The following NEDD9 variants were observed in gnomAD, a reference collection of about 807,000 sequenced individuals.
The protein encoded by NEDD9 is enhancer of filamentation 1.
In NEDD9, 26 loss-of-function variants were observed where a neutral mutation model predicts 76.6. The ratio of observed to expected loss-of-function variants is 0.34; its 90% CI spans 0.25 to 0.47. The LOEUF (loss-of-function observed/expected upper bound fraction) is 0.47. NEDD9 is among the 20% of genes least tolerant of loss of function. The pLI is 1.00. For synonymous variants in NEDD9, 392 were observed against 414.2 expected, an observed-to-expected ratio of 0.95 and a Z score of 0.65; for missense variants, 937 against 1,058.5, an observed-to-expected ratio of 0.89 and a Z score of 1.59.
chr6:11,185,741 T>G, intron 6 of NEDD9, 70 bp from the exon 7 acceptor site: 11 of 1,557,568 alleles, frequency 7.1e-6, no homozygotes, highest in Non-Finnish European at 9.6e-6. Flanking sequence ...CACTAGGCCT[T>G]GGAGTTAAAA....
chr6:11,248,005 T>C (rs1379757622), intron 3 of NEDD9, among the ~76,000 whole-genome samples: 1 of 152,144 alleles, frequency 6.6e-6, no homozygotes, highest in African/African-American at 2.4e-5. Flanking sequence ...CCAGGTATAT[T>C]ATCTTCATTT....
At chr6:11,301,483 C>A (rs897002501) in intron 3 of NEDD9, among the ~76,000 whole-genome samples, 5 of 152,160 alleles carry the variant, frequency 3.3e-5, no homozygotes, top group African/African-American at 1.2e-4. Context: ...ACAAGGATAT[C>A]GAGGGCTTGA....
chr6:11,244,067 T>C (rs962256619), intron 3 of NEDD9, among the ~76,000 whole-genome samples: 1 of 152,180 alleles, frequency 6.6e-6, no homozygotes, highest in Admixed American at 6.5e-5. Flanking sequence ...GGGCCTCATC[T>C]AATCAGATGA....
Position 11,370,515 on chromosome 6 carries a change from A to G in NEDD9, c.-214+11624T>C, listed in dbSNP as rs544359547. On this transcript the variant is annotated intron_variant, in intron 1 of 3. Transcript: ENST00000397378. This position sits in a 1 kb window ranked among gnomAD's most constrained non-coding sequence, Gnocchi z 4.2. ...GTTCCCTCACCGACCCACTAGGTGC[A>G]CAAGGCTCTCCTCAAGCCGCCTTTT... Among the ~76,000 whole-genome samples the G allele has an allele frequency of 6.6e-6, 1 of 152,270 alleles. No homozygotes were observed. Among genetic ancestry groups the G allele is most frequent in the African/African-American group, 2.4e-5 (1 of 41,560 alleles).
At chr6:11,355,784 G>C (rs1000916496) in intron 1 of NEDD9, among the ~76,000 whole-genome samples, 1 of 151,984 alleles carries the variant, frequency 6.6e-6, no homozygotes, top group Non-Finnish European at 1.5e-5. Context: ...GCAGTGGCGC[G>C]ATCTCCGCTC....
chr6:11,324,823 T>C (rs910515409), intron 2 of NEDD9, among the ~76,000 whole-genome samples: 11 of 152,220 alleles, frequency 7.2e-5, no homozygotes, highest in East Asian at 5.8e-4. Context: ...GGCCACACTT[T>C]CCATTTGAAA....
intron 5 of NEDD9, among the ~76,000 whole-genome samples, chr6:11,188,732 C>G (rs1758044409): frequency 6.6e-6 from 1 of 152,174 alleles, no homozygotes; most frequent in Non-Finnish European, 1.5e-5. Context: ...GTCAGACAAC[C>G]AGTAAGATGA....
chr6:11,274,341 G>A (rs1372093737), intron 3 of NEDD9, among the ~76,000 whole-genome samples: 1 of 152,178 alleles, frequency 6.6e-6, no homozygotes, highest in African/African-American at 2.4e-5. Context: ...GGACCTGGAA[G>A]GGGTACCCAG....
At chr6:11,379,312 G>A (rs1197140035) in intron 1 of NEDD9, among the ~76,000 whole-genome samples, 2 of 152,202 alleles carry the variant, frequency 1.3e-5, no homozygotes, top group African/African-American at 4.8e-5. Context: ...TTTGGGCCGG[G>A]CGCAGTGGCT....
intron 5 of NEDD9, among the ~76,000 whole-genome samples, chr6:11,189,504 A>G (rs1758073648): frequency 6.6e-6 from 1 of 152,200 alleles, no homozygotes; most frequent in South Asian, 2.1e-4. Flanking sequence ...TCTGGTGCAA[A>G]GGTCTTCTAT....
chr6:11,265,145 A>G (rs1231356518), intron 3 of NEDD9, among the ~76,000 whole-genome samples: 1 of 152,266 alleles, frequency 6.6e-6, no homozygotes, highest in African/African-American at 2.4e-5. Flanking sequence ...TAAATCAAAT[A>G]CTTCAAGTTT....
At position 11,381,940 on chromosome 6, in the gene NEDD9, A is replaced by G. The variant is rs1466151169; in HGVS notation, c.-214+199T>C. On this transcript the variant is annotated intron_variant, in intron 1 of 3. Coordinates refer to the NEDD9 transcript ENST00000397378. Reference sequence around the variant, plus strand: ...ATCATGCTGGTTTGAATGTTGCACTAAAACCAGCACCTCCAGGTCAACTTG... The same window carrying G: ...ATCATGCTGGTTTGAATGTTGCACTGAAACCAGCACCTCCAGGTCAACTTG... Among the ~76,000 whole-genome samples the G allele has an allele frequency of 2.6e-5, 4 of 152,228 alleles. No homozygotes were observed. In the South Asian group the frequency reaches 6.2e-4, roughly 24 times the overall value.
At chr6:11,291,876 G>A (rs1334588729) in intron 3 of NEDD9, among the ~76,000 whole-genome samples, 2 of 152,198 alleles carry the variant, frequency 1.3e-5, no homozygotes, top group African/African-American at 4.8e-5. Flanking sequence ...TAGCAACATA[G>A]ATCTCCAACT....
chr6:11,304,997 A>G (rs4713379), intron 3 of NEDD9: 175,685 of 1,033,344 alleles, frequency 0.17, 16,979 homozygotes, highest in African/African-American at 0.38. Context: ...CTTGTTTTTA[A>G]TGCCTTCCAG....
At chr6:11,210,640 T>C (rs1019947534) in intron 2 of NEDD9, among the ~76,000 whole-genome samples, 1 of 151,830 alleles carries the variant, frequency 6.6e-6, no homozygotes, top group East Asian at 1.9e-4. Flanking sequence ...TGTTGACAGA[T>C]GTTTTTTAAA....
intron 1 of NEDD9, among the ~76,000 whole-genome samples, chr6:11,346,486 C>CCG (rs1554134772): frequency 6.6e-6 from 1 of 151,308 alleles, no homozygotes; most frequent in Non-Finnish European, 1.5e-5. Context: ...GGCCCCCCCC[C>CCG]CCGAGGTGAG....
chr6:11,223,380 GTC>G (rs1359316912), intron 1 of NEDD9, among the ~76,000 whole-genome samples: 1 of 151,932 alleles, frequency 6.6e-6, no homozygotes, highest in Non-Finnish European at 1.5e-5. Flanking sequence ...AGGAAAAAGA[GTC>G]TCTATAAAAT....
rs116086572 is a variant in NEDD9 at position 11,222,276 on chromosome 6, C to A, written c.13-8549G>T. 5.2e-3 allele frequency among the ~76,000 whole-genome samples: 793 copies of A among 152,284 alleles called. 3 individuals are homozygous for A. The highest frequency in any genetic ancestry group is 0.018 in the African/African-American group (749 of 41,540). ...CCGAGTTGATGTAAATAGGATGCAA[C>A]CCTCCCTGGAACTCTTTTAGATGTC... is the stretch of plus-strand genomic sequence containing the variant. On this transcript the variant is annotated intron_variant, in intron 1 of 6. Transcript: ENST00000379446.
At chr6:11,196,777 C>G (rs1365198622) in intron 2 of NEDD9, among the ~76,000 whole-genome samples, 1 of 151,770 alleles carries the variant, frequency 6.6e-6, no homozygotes, top group Non-Finnish European at 1.5e-5. Context: ...TAAATGGGAC[C>G]AGGATGCAAA....
Sources: allele counts gnomAD v4.1 joint callset (sites outside exome capture counted in the v4.1 genomes callset), GRCh38; gene constraint gnomAD v4.1.1; non-coding constraint Gnocchi (gnomAD v3.1); transcripts MANE v1.5; gene names NCBI Gene and HGNC (gene_info 2026-07-23, HGNC 2026-07-21).